Variants in RALGAPA1 observed in about 807,000 individuals in gnomAD.
RALGAPA1 encodes Ral GTPase activating protein catalytic subunit alpha 1.
RALGAPA1 carries 52 observed loss-of-function variants against 269.6 expected under a neutral mutation model. The ratio of observed to expected loss-of-function variants is 0.19; its 90% CI spans 0.15 to 0.24. RALGAPA1 has a LOEUF of 0.24. RALGAPA1 is among the 10% of genes least tolerant of loss of function. The pLI is 1.00. For missense variants in RALGAPA1, 1,917 were observed against 3,013.9 expected, an observed-to-expected ratio of 0.64 and a Z score of 8.52; for synonymous variants, 817 against 1,008.3, an observed-to-expected ratio of 0.81 and a Z score of 3.60.
chr14:35,775,132 A>C, intron 2 of RALGAPA1, 77 bp from the exon 3 acceptor site: 1 of 864,124 alleles, frequency 1.2e-6, no homozygotes, highest in Non-Finnish European at 1.8e-6. Flanking sequence ...TTCAAGAATG[A>C]AGGTTTTTTT....
chr14:35,606,253 T>C lies in RALGAPA1; in HGVS notation c.6930-544A>G, dbSNP rs369103977. Among the ~76,000 whole-genome samples, 12 of 152,314 alleles carry C rather than the reference T, an allele frequency of 7.9e-5. No homozygotes were observed. The South Asian group carries it at 8.3e-4, about 11-fold the overall frequency. On this transcript the variant is annotated intron_variant, in intron 35 of 41. Coordinates refer to ENST00000680220, the MANE Select transcript of RALGAPA1 (RefSeq NM_001346249.2). ...AGGCAATTCTGTTATTGTGTGAACATTATAGATGTACTCACATAAACCTAG... is the reference window on the plus strand; with the variant it reads ...AGGCAATTCTGTTATTGTGTGAACACTATAGATGTACTCACATAAACCTAG...
chr14:35,705,595 A>G (rs1455219669), intron 16 of RALGAPA1, among the ~76,000 whole-genome samples: 2 of 152,138 alleles, frequency 1.3e-5, no homozygotes, highest in African/African-American at 2.4e-5. Context: ...AGAATATCTT[A>G]GACAATTACA....
At chr14:35,678,572 A>T (rs1418100540) in intron 21 of RALGAPA1, among the ~76,000 whole-genome samples, 1 of 152,110 alleles carries the variant, frequency 6.6e-6, no homozygotes, top group African/African-American at 2.4e-5. Context: ...ATTCTCCATA[A>T]GTCAGCAAAA....
At chr14:35,560,000 T>C (rs1250877266) in intron 39 of RALGAPA1, among the ~76,000 whole-genome samples, 1 of 152,172 alleles carries the variant, frequency 6.6e-6, no homozygotes, top group East Asian at 1.9e-4. Context: ...ATTGAGAAAA[T>C]GCAATACTGG....
chr14:35,662,226 T>C (rs1054723105), intron 27 of RALGAPA1, among the ~76,000 whole-genome samples: 3 of 152,200 alleles, frequency 2.0e-5, no homozygotes, highest in African/African-American at 7.2e-5. Flanking sequence ...TCAGGAATTA[T>C]ATTCTATGTG....
At chr14:35,659,043 T>C in intron 28 of RALGAPA1, 95 bp downstream of exon 28, 1 of 718,180 alleles carries the variant, frequency 1.4e-6, no homozygotes, top group Non-Finnish European at 2.2e-6. Context: ...GGCTTTTATG[T>C]ATCTAAAACA....
Position 35,688,899 on chromosome 14 carries a change from T to C in RALGAPA1, c.3512A>G (p.Glu1171Gly). Residue 1171 changes from glutamate (E) to glycine (G), a missense_variant, in exon 18 of 42, where the codon GAG becomes GGG. By Grantham distance (98) the Glu-to-Gly change is moderately conservative. Transcript: ENST00000680220. ...VQFYNPLENK[E>G]APWKMRLRKL... ...CCGCAGTCTCATCTTCCATGGAGCC[T>C]CTTTGTTTTCCAGAGGATTATAAAA... is the stretch of plus-strand genomic sequence containing the variant. 7.9e-7 allele frequency: 1 copy of C among 1,264,220 alleles called. No individual in the cohort carries two copies. The highest frequency in any genetic ancestry group is 9.9e-7 in the Non-Finnish European group (1 of 1,006,872). The allele number at this position is 1,264,220 out of a possible 1,614,324, so 78.3% of individuals were successfully genotyped here.
chr14:35,797,219 T>G (rs1419034377), intron 1 of RALGAPA1, among the ~76,000 whole-genome samples: 15 of 151,602 alleles, frequency 9.9e-5, no homozygotes. Flanking sequence ...CTGGGCGTGG[T>G]GGTGCGTGCC....
At position 35,655,917 on chromosome 14, in the gene RALGAPA1, T is replaced by C; in HGVS notation, c.5388-2A>G. 1 of 1,612,876 alleles carries C rather than the reference T, an allele frequency of 6.2e-7. No individual in the cohort carries two copies. The highest frequency in any genetic ancestry group is 8.5e-7 in the Non-Finnish European group (1 of 1,179,492). ...CCTAAACTACAAAGTGCTACACATC[T>C]GCAAAAAAGGCAAACAACAACGGTT... On this transcript the variant is annotated splice_acceptor_variant, in intron 28 of 41. Transcript: ENST00000680220. LOFTEE classifies it high-confidence loss of function.
At chr14:35,805,151 C>A (rs991188235) in intron 1 of RALGAPA1, among the ~76,000 whole-genome samples, 4 of 151,236 alleles carry the variant, frequency 2.6e-5, no homozygotes, top group African/African-American at 9.7e-5. Context: ...AGGCGGGGCG[C>A]CGTGGCTCAT....
chr14:35,592,421 CCAAA>C (rs2058692310), intron 37 of RALGAPA1, among the ~76,000 whole-genome samples: 1 of 152,134 alleles, frequency 6.6e-6, no homozygotes, highest in Non-Finnish European at 1.5e-5. Flanking sequence ...CTGAATTCTA[CCAAA>C]CATTCAAAGA....
At chr14:35,598,920 C>A (rs984917708) in intron 36 of RALGAPA1, among the ~76,000 whole-genome samples, 5 of 152,082 alleles carry the variant, frequency 3.3e-5, no homozygotes, top group Non-Finnish European at 7.4e-5. Flanking sequence ...ATTTTTCCTG[C>A]CTCCTGTGGC....
chr14:35,539,902 G>A (rs914335892), intron 41 of RALGAPA1, among the ~76,000 whole-genome samples: 2 of 152,088 alleles, frequency 1.3e-5, no homozygotes, highest in Admixed American at 1.3e-4. Flanking sequence ...TAGCAAGAAA[G>A]CGCCAATCAT....
intron 4 of RALGAPA1, chr14:35,766,333 T>C: frequency 1.2e-5 from 14 of 1,177,674 alleles, no homozygotes; most frequent in Non-Finnish European, 1.8e-5. Flanking sequence ...AAACCATTCA[T>C]GATTCCCAGT....
chr14:35,631,596 G>A (rs1423053075), intron 33 of RALGAPA1, among the ~76,000 whole-genome samples: 1 of 152,066 alleles, frequency 6.6e-6, no homozygotes, highest in Non-Finnish European at 1.5e-5. Context: ...TAACATAGAA[G>A]TTTACACTCT....
At chr14:35,652,793 CATT>C (rs2062928309) in intron 30 of RALGAPA1, among the ~76,000 whole-genome samples, 1 of 151,782 alleles carries the variant, frequency 6.6e-6, no homozygotes, top group Non-Finnish European at 1.5e-5. Flanking sequence ...ATGAAAAAGA[CATT>C]ATTTAAAAAA....
intron 17 of RALGAPA1, among the ~76,000 whole-genome samples, chr14:35,694,640 T>C (rs1014482125): frequency 1.8e-4 from 28 of 152,144 alleles, no homozygotes; most frequent in African/African-American, 5.6e-4. Flanking sequence ...TATTCTAATA[T>C]TGTTTTCCTG....
intron 41 of RALGAPA1, 26 bp from the exon 42 acceptor site, chr14:35,539,716 T>C (rs758339031): frequency 1.2e-6 from 2 of 1,611,742 alleles, no homozygotes; most frequent in South Asian, 1.1e-5. Flanking sequence ...AGAGCATTAC[T>C]ACAGTTATCC....
intron 27 of RALGAPA1, among the ~76,000 whole-genome samples, chr14:35,659,738 A>T (rs910939739): frequency 3.9e-5 from 6 of 152,038 alleles, no homozygotes; most frequent in Non-Finnish European, 7.4e-5. Flanking sequence ...ATAAAATACT[A>T]ACAAACCAAA....
Sources: allele counts gnomAD v4.1 joint callset (sites outside exome capture counted in the v4.1 genomes callset), GRCh38; gene constraint gnomAD v4.1.1; transcripts MANE v1.5; gene names NCBI Gene and HGNC (gene_info 2026-07-23, HGNC 2026-07-21).